The following ZBTB20 variants were observed in gnomAD, a reference collection of about 807,000 sequenced individuals.
ZBTB20 encodes the protein zinc finger and BTB domain-containing protein 20.
In ZBTB20, 9 loss-of-function variants were observed where a neutral mutation model predicts 56.9. That is an observed-to-expected ratio of 0.16 (90% CI 0.10 to 0.28). The LOEUF is 0.28. Ranked by LOEUF, ZBTB20 falls within the 10% of genes least tolerant of loss-of-function variation. The pLI is 1.00. For missense variants in ZBTB20, 655 were observed against 1,003.0 expected (o/e 0.65, Z 4.69); for synonymous variants, 417 against 420.7 (o/e 0.99, Z 0.11).
At chr3:114,543,029 C>T (rs556086651) in intron 6 of ZBTB20, among the ~76,000 whole-genome samples, 2 of 152,156 alleles carry the variant, frequency 1.3e-5, no homozygotes, top group South Asian at 4.2e-4. Flanking sequence ...ATACAACTGT[C>T]CCTTGGTATC....
At chr3:114,777,160 T>C (rs1430707874) in intron 5 of ZBTB20, among the ~76,000 whole-genome samples, 1 of 152,188 alleles carries the variant, frequency 6.6e-6, no homozygotes, top group African/African-American at 2.4e-5. Context: ...GAAAAATCTA[T>C]TTTTAAGGTT....
intron 2 of ZBTB20, among the ~76,000 whole-genome samples, chr3:115,047,012 T>C (rs951895516): frequency 6.6e-6 from 1 of 152,192 alleles, no homozygotes; most frequent in Admixed American, 6.5e-5. Context: ...TTTTCCACAG[T>C]ACAGTAATAT....
At position 114,650,367 on chromosome 3, in the gene ZBTB20, C is replaced by A. The variant is rs1027881465; in HGVS notation, c.-295+43161G>T. On this transcript the variant is annotated intron_variant, in intron 6 of 11. Transcript: ENST00000675478. ...TTCTAAGAATATGCATTGGCCTTTA[C>A]TAACCATTTTCAATGCCATGCACTT... 2.0e-5 allele frequency among the ~76,000 whole-genome samples: 3 copies of A among 152,000 alleles called. No individual in the cohort carries two copies. The East Asian group carries it at 5.8e-4, about 29-fold the overall frequency.
chr3:114,862,175 G>T (rs931484986), intron 4 of ZBTB20, among the ~76,000 whole-genome samples: 1 of 152,160 alleles, frequency 6.6e-6, no homozygotes, highest in African/African-American at 2.4e-5. Flanking sequence ...TACAACCTCA[G>T]ATTTCTAAGC....
At chr3:114,661,101 G>A (rs867422992) in intron 6 of ZBTB20, among the ~76,000 whole-genome samples, 1 of 152,128 alleles carries the variant, frequency 6.6e-6, no homozygotes, top group Non-Finnish European at 1.5e-5. Flanking sequence ...CTGGAGCTAA[G>A]TAGACTGTTC....
At chr3:114,908,354 T>G (rs2075397424) in intron 3 of ZBTB20, among the ~76,000 whole-genome samples, 1 of 152,044 alleles carries the variant, frequency 6.6e-6, no homozygotes, top group Non-Finnish European at 1.5e-5. Context: ...AGCTAGGGTA[T>G]TTGGCATTAC....
chr3:114,420,337 T>C (rs186910415), intron 7 of ZBTB20, among the ~76,000 whole-genome samples: 1 of 152,294 alleles, frequency 6.6e-6, no homozygotes, highest in East Asian at 1.9e-4. Context: ...GGAGTTATCC[T>C]TGGTGTTAAA....
At chr3:114,440,394 GA>G (rs2090832629) in intron 7 of ZBTB20, among the ~76,000 whole-genome samples, 1 of 152,062 alleles carries the variant, frequency 6.6e-6, no homozygotes, top group Non-Finnish European at 1.5e-5. Flanking sequence ...TACCACTATG[GA>G]ATTGGGTATC....
At chr3:114,371,911 A>G (rs2083059479) in intron 10 of ZBTB20, among the ~76,000 whole-genome samples, 1 of 151,794 alleles carries the variant, frequency 6.6e-6, no homozygotes, top group South Asian at 2.1e-4. Flanking sequence ...GCAGAAGAAA[A>G]GCAAAAAAGA....
At chr3:115,094,324 A>C (rs2083301926) in intron 1 of ZBTB20, among the ~76,000 whole-genome samples, 1 of 152,116 alleles carries the variant, frequency 6.6e-6, no homozygotes, top group Non-Finnish European at 1.5e-5. Flanking sequence ...AAGAAGAAAA[A>C]AAAACAAAAA....
At chr3:115,115,483 G>A (rs941415585) in intron 1 of ZBTB20, among the ~76,000 whole-genome samples, 1 of 152,008 alleles carries the variant, frequency 6.6e-6, no homozygotes. Context: ...TGAAATGTTA[G>A]AAATATTGGT....
At chr3:114,885,777 A>T (rs1275496810) in intron 4 of ZBTB20, among the ~76,000 whole-genome samples, 3 of 152,084 alleles carry the variant, frequency 2.0e-5, no homozygotes, top group Admixed American at 2.0e-4. Context: ...TCATTTGTAA[A>T]ATTTTTCTGT....
At chr3:114,550,180 C>T (rs997640996) in intron 6 of ZBTB20, among the ~76,000 whole-genome samples, 9 of 152,252 alleles carry the variant, frequency 5.9e-5, no homozygotes, top group East Asian at 1.9e-4. Context: ...TCTTGCGATC[C>T]GCCTGCCTTG....
chr3:114,455,411 A>G (rs923034411), intron 7 of ZBTB20, among the ~76,000 whole-genome samples: 1 of 152,138 alleles, frequency 6.6e-6, no homozygotes, highest in Non-Finnish European at 1.5e-5. Flanking sequence ...TGCAAATACA[A>G]ATGGCACTAG....
chr3:114,690,870 G>A (rs551680013), intron 6 of ZBTB20, among the ~76,000 whole-genome samples: 21 of 152,232 alleles, frequency 1.4e-4, no homozygotes, highest in African/African-American at 5.1e-4. Flanking sequence ...AGCCAGACTG[G>A]AGTTCTAAGT....
chr3:114,555,968 T>C (rs2051164174), intron 6 of ZBTB20, among the ~76,000 whole-genome samples: 3 of 152,190 alleles, frequency 2.0e-5, no homozygotes, highest in Admixed American at 6.5e-5. Flanking sequence ...AAAAATACAT[T>C]GGGAGATAAC....
At chr3:114,344,257 G>C (rs2080018065) in intron 11 of ZBTB20, among the ~76,000 whole-genome samples, 3 of 152,212 alleles carry the variant, frequency 2.0e-5, no homozygotes, top group South Asian at 4.1e-4. Flanking sequence ...ACTTTGGAGA[G>C]TTTCATCCAT....
chr3:114,519,029 C>G (rs2046347087), intron 6 of ZBTB20: 1 of 152,166 alleles, frequency 6.6e-6, no homozygotes, highest in South Asian at 2.1e-4. Flanking sequence ...GTCAGATCCT[C>G]TGCATATTTG....
chr3:114,584,280 C>A (rs779695258), intron 6 of ZBTB20, among the ~76,000 whole-genome samples: 2 of 152,040 alleles, frequency 1.3e-5, no homozygotes, highest in Non-Finnish European at 2.9e-5. Flanking sequence ...AGAGCTCCCA[C>A]AGAAAAGATT....
Sources: gnomAD v4.1 joint callset for allele counts (sites outside exome capture counted in the v4.1 genomes callset) on GRCh38, gnomAD v4.1.1 for gene constraint, MANE v1.5 for transcripts, NCBI Gene and HGNC (gene_info 2026-07-23, HGNC 2026-07-21) for gene names.